The following ALMS1 variants were observed in gnomAD, a reference collection of about 807,000 sequenced individuals.
The protein encoded by ALMS1 is centrosome-associated protein ALMS1.
Under a neutral mutation model 352.2 loss-of-function variants are expected in ALMS1, and 271 were observed. The ratio of observed to expected loss-of-function variants is 0.77; its 90% CI spans 0.70 to 0.85. The LOEUF is 0.85. Among genes scored for constraint, ALMS1 ranks in the 40% least tolerant of loss-of-function variants. ALMS1 has a pLI of 0.00. For missense variants in ALMS1, 5,445 were observed against 4,870.7 expected, an observed-to-expected ratio of 1.12 and a Z score of -3.51; for synonymous variants, 1,865 against 1,761.2, an observed-to-expected ratio of 1.06 and a Z score of -1.48.
chr2:73,545,682 G>A (rs555332498), intron 12 of ALMS1, among the ~76,000 whole-genome samples: 2 of 152,188 alleles, frequency 1.3e-5, no homozygotes, highest in African/African-American at 2.4e-5. Context: ...TCGGTGAGAT[G>A]TCTTTAGCTG....
intron 7 of ALMS1, among the ~76,000 whole-genome samples, chr2:73,445,951 A>T (rs1485683127): frequency 1.3e-5 from 2 of 152,188 alleles, no homozygotes; most frequent in Admixed American, 1.3e-4. Context: ...AAGGACTCTA[A>T]AAACATACCA....
chr2:73,488,780 T>C (rs981340094), intron 9 of ALMS1, among the ~76,000 whole-genome samples: 38 of 152,194 alleles, frequency 2.5e-4, no homozygotes, highest in Non-Finnish European at 5.9e-5. Flanking sequence ...TCAAATAGAA[T>C]GCCAAGTTAT....
intron 9 of ALMS1, chr2:73,458,427 A>C (rs898606399): frequency 2.0e-5 from 3 of 152,188 alleles, no homozygotes; most frequent in African/African-American, 7.2e-5. Context: ...GATATGCGCC[A>C]TCCTCATCTA....
intron 6 of ALMS1, among the ~76,000 whole-genome samples, chr2:73,429,277 G>GC (rs1671453999): frequency 8.0e-6 from 1 of 124,362 alleles, no homozygotes; most frequent in Non-Finnish European, 1.6e-5. Context: ...TAATTAATAT[G>GC]CTTTTTTTTT....
intron 9 of ALMS1, among the ~76,000 whole-genome samples, chr2:73,467,352 A>G (rs1275688345): frequency 1.3e-5 from 2 of 152,138 alleles, no homozygotes; most frequent in African/African-American, 4.8e-5. Context: ...GACAGTAAGC[A>G]TTTGAAAACA....
intron 10 of ALMS1, among the ~76,000 whole-genome samples, chr2:73,504,328 TA>T (rs1673277545): frequency 6.6e-6 from 1 of 152,220 alleles, no homozygotes; most frequent in South Asian, 2.1e-4. Context: ...TAGCTTTATG[TA>T]ACCGCCATCA....
chr2:73,414,184 C>G (rs558537174), intron 2 of ALMS1, among the ~76,000 whole-genome samples: 2 of 152,192 alleles, frequency 1.3e-5, no homozygotes, highest in South Asian at 4.1e-4. Flanking sequence ...TTTATTATTT[C>G]TCTTTAATGT....
rs766656843 is a variant in ALMS1 at position 73,609,554 on chromosome 2, C to G, written c.12463-14C>G. On this transcript the variant is annotated splice_polypyrimidine_tract_variant and intron_variant, in intron 22 of 22. Coordinates refer to ENST00000613296, the MANE Select transcript of ALMS1 (RefSeq NM_001378454.1). Reference sequence around the variant, plus strand: ...AATATCTAACTTCTTTCCTGCCTTTCTTTTCTTCTACAGAGAGTGACCAAT... The same window carrying G: ...AATATCTAACTTCTTTCCTGCCTTTGTTTTCTTCTACAGAGAGTGACCAAT... 18 of 1,613,924 alleles carry G rather than the reference C, an allele frequency of 1.1e-5. No individual in the cohort carries two copies. Among genetic ancestry groups the G allele is most frequent in the Non-Finnish European group, 1.4e-5 (17 of 1,179,938 alleles).
intron 16 of ALMS1, among the ~76,000 whole-genome samples, chr2:73,599,155 A>G (rs1266187595): frequency 6.6e-6 from 1 of 152,188 alleles, no homozygotes; most frequent in East Asian, 1.9e-4. Context: ...AGTTTTTCCA[A>G]GCCCAGTGAA....
rs984175791 is a variant in ALMS1 at position 73,499,279 on chromosome 2, A to G, written c.9539+7781A>G. On this transcript the variant is annotated intron_variant, in intron 10 of 22. Transcript: ENST00000613296. ...CTTGTGAGATGGGTAGTTTGCAGAT[A>G]TTCTCTTCCATTCTGTAGGTTGTCT... is the stretch of plus-strand genomic sequence containing the variant. 2.6e-5 allele frequency among the ~76,000 whole-genome samples: 4 copies of G among 152,124 alleles called. No individual in the cohort carries two copies. In the East Asian group the frequency reaches 5.8e-4, roughly 22 times the overall value.
Position 73,601,225 on chromosome 2 carries a change from T to A in ALMS1, c.11903T>A (p.Val3968Glu). ...TCCTGGTTTGTTCCTGTGGAAAATGTGGAGTCTAGATCAAAGAAGGAAAAC... is the reference window on the plus strand; with the variant it reads ...TCCTGGTTTGTTCCTGTGGAAAATGAGGAGTCTAGATCAAAGAAGGAAAAC... ...GVSWFVPVENVESRSKKENVP... is the reference protein window; with the variant it reads ...GVSWFVPVENEESRSKKENVP... Residue 3968 changes from valine (V) to glutamate (E), a missense_variant, in exon 19 of 23, where the codon GTG becomes GAG. Physicochemically the swap from Val to Glu is moderately radical, Grantham distance 121. Coordinates refer to ENST00000613296, the MANE Select transcript of ALMS1 (RefSeq NM_001378454.1). The A allele has an allele frequency of 6.2e-7, 1 of 1,614,196 alleles. No homozygotes were observed. The highest frequency in any genetic ancestry group is 8.5e-7 in the Non-Finnish European group (1 of 1,180,022).
chr2:73,582,219 T>G (rs554545539), intron 16 of ALMS1, among the ~76,000 whole-genome samples: 1 of 152,330 alleles, frequency 6.6e-6, no homozygotes, highest in South Asian at 2.1e-4. Context: ...GGTCTCTCTT[T>G]TGAAACAAAT....
At chr2:73,446,001 A>G (rs745383376) in intron 7 of ALMS1, among the ~76,000 whole-genome samples, 1 of 152,184 alleles carries the variant, frequency 6.6e-6, no homozygotes, top group Non-Finnish European at 1.5e-5. Context: ...GACACATTTT[A>G]TAAATCATAG....
intron 9 of ALMS1, among the ~76,000 whole-genome samples, chr2:73,486,045 C>T (rs1055622050): frequency 9.2e-5 from 14 of 152,142 alleles, no homozygotes; most frequent in African/African-American, 2.6e-4. Flanking sequence ...GCGTGGCTCA[C>T]GCTGGGAGCT....
intron 2 of ALMS1, among the ~76,000 whole-genome samples, chr2:73,414,524 G>A (rs7603754): frequency 0.073 from 7,777 of 106,874 alleles, 608 homozygotes; most frequent in African/African-American, 0.19. Flanking sequence ...GCTAGGATCT[G>A]CCTATTCTTC....
At chr2:73,515,195 G>T (rs1040313840) in intron 10 of ALMS1, among the ~76,000 whole-genome samples, 16 of 151,938 alleles carry the variant, frequency 1.1e-4, no homozygotes, top group African/African-American at 3.4e-4. Flanking sequence ...GTGTCTATTT[G>T]CTTCTACTAC....
At chr2:73,468,506 A>G (rs1672404552) in intron 9 of ALMS1, among the ~76,000 whole-genome samples, 1 of 152,034 alleles carries the variant, frequency 6.6e-6, no homozygotes, top group South Asian at 2.1e-4. Context: ...TTCATCTTGT[A>G]AAACTGAAAC....
rs1417754706 is a variant in ALMS1 at position 73,408,635 on chromosome 2, C to T, written c.338C>T (p.Thr113Ile). Residue 113 changes from threonine (T) to isoleucine (I), a missense_variant, in exon 2 of 23, where the codon ACC (threonine) becomes ATC (isoleucine). Physicochemically the swap from Thr to Ile is moderately conservative, Grantham distance 89. Coordinates refer to ENST00000613296, the MANE Select transcript of ALMS1 (RefSeq NM_001378454.1). ...RTSLEKIVPL[T>I]CHVWQQIVYQ... ...TTTGATTTTCAGATTGTTCCATTGACCTGTCATGTATGGCAACAGATAGTA... is the reference window on the plus strand; with the variant it reads ...TTTGATTTTCAGATTGTTCCATTGATCTGTCATGTATGGCAACAGATAGTA... 3 of 1,613,040 alleles carry T rather than the reference C, an allele frequency of 1.9e-6. No individual in the cohort carries two copies. The highest frequency in any genetic ancestry group is 1.1e-5 in the South Asian group (1 of 91,062).
chr2:73,547,292 T>A (rs1340734051), intron 12 of ALMS1, among the ~76,000 whole-genome samples: 1 of 152,194 alleles, frequency 6.6e-6, no homozygotes, highest in Non-Finnish European at 1.5e-5. Flanking sequence ...AAGTGGTGGA[T>A]CATCTGTAAT....
Sources: allele counts gnomAD v4.1 joint callset (sites outside exome capture counted in the v4.1 genomes callset), GRCh38; gene constraint gnomAD v4.1.1; transcripts MANE v1.5; gene names NCBI Gene and HGNC (gene_info 2026-07-23, HGNC 2026-07-21).